PDE4D: variants seen among roughly 807,000 people sequenced by gnomAD.
PDE4D encodes the protein 3',5'-cyclic-AMP phosphodiesterase 4D.
A neutral mutation model predicts 87.4 loss-of-function variants in PDE4D; 24 were observed. The observed-to-expected ratio is 0.27, with a 90% CI of 0.20 to 0.39. The LOEUF is 0.39. Among genes scored for constraint, PDE4D ranks in the 10% least tolerant of loss-of-function variants. The pLI is 1.00. For missense variants in PDE4D, 714 were observed against 1,041.0 expected (o/e 0.69, Z 4.32); for synonymous variants, 384 against 383.2 (o/e 1.00, Z -0.02).
intron 1 of PDE4D, among the ~76,000 whole-genome samples, chr5:60,350,392 C>T (rs571601745): frequency 2.0e-4 from 30 of 152,254 alleles, no homozygotes; most frequent in African/African-American, 7.2e-4. Context: ...TCTCTCCAGG[C>T]TAGGAGTTCT....
chr5:60,237,917 A>G (rs1746613344), intron 1 of PDE4D, among the ~76,000 whole-genome samples: 2 of 151,948 alleles, frequency 1.3e-5, no homozygotes, highest in Admixed American at 6.6e-5. Flanking sequence ...GGGGAAAAAA[A>G]CAAACAATTC....
rs764150690 is a variant in PDE4D at position 60,395,957 on chromosome 5, C to T, written c.-90+91985G>A. 3.9e-4 allele frequency among the ~76,000 whole-genome samples: 59 copies of T among 152,112 alleles called. 1 individual carries two copies. The highest frequency in any genetic ancestry group is 3.2e-3 in the Middle Eastern group (1 of 316). ...GGTTGTTTACCACACAAAGGTACTC[C>T]GCTCAAGCAGGCATGTGATAGCTAA... On this transcript the variant is annotated intron_variant, in intron 1 of 16. Transcript: ENST00000502484.
chr5:59,183,238 T>G (rs889985757), intron 4 of PDE4D, among the ~76,000 whole-genome samples: 1 of 152,192 alleles, frequency 6.6e-6, no homozygotes, highest in Non-Finnish European at 1.5e-5. Context: ...AAGACCACAG[T>G]GGCCTTTACT....
chr5:60,323,068 A>C (rs557441806), intron 1 of PDE4D, among the ~76,000 whole-genome samples: 1 of 152,284 alleles, frequency 6.6e-6, no homozygotes, highest in African/African-American at 2.4e-5. Flanking sequence ...TGTGAGATTA[A>C]GTTCCTTAAA....
intron 1 of PDE4D, among the ~76,000 whole-genome samples, chr5:59,859,616 A>G (rs1441428978): frequency 7.2e-5 from 11 of 152,320 alleles, no homozygotes; most frequent in African/African-American, 2.6e-4. Flanking sequence ...TAACCAACTA[A>G]ATTTTCACCA....
At chr5:59,797,945 A>T (rs1237129393) in intron 1 of PDE4D, among the ~76,000 whole-genome samples, 3 of 152,188 alleles carry the variant, frequency 2.0e-5, no homozygotes, top group African/African-American at 7.2e-5. Flanking sequence ...GTCAAATAGG[A>T]GCAGAAGGCT....
At chr5:59,549,725 C>T (rs1026525823) in intron 1 of PDE4D, among the ~76,000 whole-genome samples, 1 of 151,984 alleles carries the variant, frequency 6.6e-6, no homozygotes, top group Non-Finnish European at 1.5e-5. Flanking sequence ...TGTGAGAAAG[C>T]GCTATATATA....
At position 59,244,961 on chromosome 5, in the gene PDE4D, A is replaced by G. The variant is rs190387815; in HGVS notation, c.456-28993T>C. 5.9e-5 allele frequency among the ~76,000 whole-genome samples: 9 copies of G among 151,916 alleles called. No homozygotes were observed. In the East Asian group the frequency reaches 1.7e-3, roughly 29 times the overall value. ...AATAAATATTGGAATATTTATTGGGAATTTTCTGAAGTTCCCAATTTGTCC... is the reference window on the plus strand; with the variant it reads ...AATAAATATTGGAATATTTATTGGGGATTTTCTGAAGTTCCCAATTTGTCC... On this transcript the variant is annotated intron_variant, in intron 1 of 14. Transcript: ENST00000340635.
chr5:58,976,990 A>G (rs1561215377), intron 12 of PDE4D, among the ~76,000 whole-genome samples: 2 of 152,198 alleles, frequency 1.3e-5, no homozygotes, highest in African/African-American at 4.8e-5. Context: ...AGCTGACATT[A>G]TTCTCAAGTC....
chr5:60,224,772 T>C (rs148860412), intron 1 of PDE4D, among the ~76,000 whole-genome samples: 4 of 152,208 alleles, frequency 2.6e-5, no homozygotes, highest in African/African-American at 9.6e-5. Context: ...GCCACCAGGC[T>C]AGCCCACATT....
intron 1 of PDE4D, among the ~76,000 whole-genome samples, chr5:60,467,375 T>C (rs1561287879): frequency 1.3e-5 from 2 of 152,276 alleles, no homozygotes; most frequent in East Asian, 1.9e-4. Flanking sequence ...AACTTAAGAC[T>C]TGAGAATTTT....
At chr5:59,794,039 A>G (rs1047301440) in intron 1 of PDE4D, among the ~76,000 whole-genome samples, 5 of 152,102 alleles carry the variant, frequency 3.3e-5, no homozygotes, top group Admixed American at 2.0e-4. Flanking sequence ...GCACAGACAC[A>G]CATGCACAGG....
At chr5:59,401,751 T>A in intron 1 of PDE4D, among the ~76,000 whole-genome samples, 1 of 152,224 alleles carries the variant, frequency 6.6e-6, no homozygotes, top group South Asian at 2.1e-4. Flanking sequence ...AGGGAACAGC[T>A]TAAAGCCTTG....
chr5:59,067,182 T>C (rs1481428592), intron 5 of PDE4D, among the ~76,000 whole-genome samples: 2 of 18,056 alleles, frequency 1.1e-4, no homozygotes, highest in African/African-American at 3.5e-4. Flanking sequence ...ATTTGGCTGA[T>C]TTTTTTGTAT....
At chr5:59,623,587 G>A (rs1275758754) in intron 1 of PDE4D, among the ~76,000 whole-genome samples, 1 of 151,994 alleles carries the variant, frequency 6.6e-6, no homozygotes, top group Non-Finnish European at 1.5e-5. Context: ...AAACTTCCTA[G>A]CTCACCCTGA....
intron 1 of PDE4D, among the ~76,000 whole-genome samples, chr5:60,194,486 C>A (rs1009311032): frequency 9.9e-5 from 15 of 151,572 alleles, no homozygotes; most frequent in African/African-American, 3.6e-4. Context: ...AACATGACTG[C>A]ATATCAAAAT....
rs529279782 is a variant in PDE4D, at chr5:60,238,989, T to C, written c.-89-53302A>G. ...ATAAATAACTCTCACATGCTTAGCATTCCAATAATGGAACACTAGGCGTAA... is the reference window on the plus strand; with the variant it reads ...ATAAATAACTCTCACATGCTTAGCACTCCAATAATGGAACACTAGGCGTAA... On this transcript the variant is annotated intron_variant, in intron 1 of 16. Coordinates refer to the PDE4D transcript ENST00000502484. Among the ~76,000 whole-genome samples, 4 of 152,074 alleles carry C rather than the reference T, an allele frequency of 2.6e-5. No homozygotes were observed. In the South Asian group the frequency reaches 8.3e-4, roughly 31 times the overall value.
chr5:59,781,237 T>C (rs542702108), intron 1 of PDE4D, among the ~76,000 whole-genome samples: 40 of 149,700 alleles, frequency 2.7e-4, no homozygotes, highest in African/African-American at 9.3e-4. Context: ...AAAGTTGTAA[T>C]TGAAAAAGGA....
At chr5:60,061,710 T>C (rs1562042120) in intron 2 of PDE4D, among the ~76,000 whole-genome samples, 1 of 152,042 alleles carries the variant, frequency 6.6e-6, no homozygotes, top group East Asian at 1.9e-4. Context: ...AACCAAAACA[T>C]GGTACAGGTA....
Sources: gnomAD v4.1 joint callset for allele counts (sites outside exome capture counted in the v4.1 genomes callset) on GRCh38, gnomAD v4.1.1 for gene constraint, MANE v1.5 for transcripts, NCBI Gene and HGNC (gene_info 2026-07-23, HGNC 2026-07-21) for gene names.